Variants in DIAPH2 observed in about 807,000 individuals in gnomAD.
DIAPH2 encodes diaphanous related formin 2.
Under a neutral mutation model 92.7 loss-of-function variants are expected in DIAPH2, and 35 were observed. The ratio of observed to expected loss-of-function variants is 0.38; its 90% CI spans 0.29 to 0.50. The LOEUF is 0.50. DIAPH2 is among the 20% of genes least tolerant of loss of function. The pLI is 0.94. For synonymous variants in DIAPH2, 301 were observed against 280.4 expected (o/e 1.07, Z -0.73); for missense variants, 701 against 819.5 (o/e 0.86, Z 1.77).
At chrX:96,780,493 T>C (rs1056315535) in intron 4 of DIAPH2, among the ~76,000 whole-genome samples, 2 of 111,567 alleles carry the variant, frequency 1.8e-5, no homozygotes, top group African/African-American at 6.5e-5. Flanking sequence ...TTTTTATTTT[T>C]AATTTTGAGA....
chrX:97,315,605 A>G (rs1286854662), intron 23 of DIAPH2, among the ~76,000 whole-genome samples: 5 of 110,773 alleles, frequency 4.5e-5, no homozygotes, highest in Non-Finnish European at 9.4e-5. Flanking sequence ...CTGTGAAAAG[A>G]AAGTGTTCTT....
intron 25 of DIAPH2, among the ~76,000 whole-genome samples, chrX:97,389,671 C>A (rs1039562831): frequency 9.0e-6 from 1 of 110,854 alleles, no homozygotes; most frequent in Non-Finnish European, 1.9e-5. Context: ...TGTATGCCTG[C>A]TGCACAGTAA....
At chrX:97,138,589 C>T (rs1209510288) in intron 21 of DIAPH2, among the ~76,000 whole-genome samples, 3 of 111,782 alleles carry the variant, frequency 2.7e-5, no homozygotes, top group African/African-American at 9.7e-5. Context: ...TCAGTTAATA[C>T]AGTGACTCAC....
chrX:97,597,059 T>G (rs1457864403), intron 26 of DIAPH2, among the ~76,000 whole-genome samples: 1 of 112,372 alleles, frequency 8.9e-6, no homozygotes, highest in Admixed American at 9.4e-5. Context: ...ATGATATTTT[T>G]TTCATAAACG....
intron 21 of DIAPH2, among the ~76,000 whole-genome samples, chrX:97,120,614 GTTTTTTTTTTTTT>G (rs139009030): frequency 1.3e-5 from 1 of 75,849 alleles, no homozygotes; most frequent in Non-Finnish European, 2.5e-5. Flanking sequence ...TTTTTTGTGG[GTTTTTTTTTTTTT>G]TTTTTTTTTT....
chrX:97,025,245 G>C (rs1379220718), intron 17 of DIAPH2, among the ~76,000 whole-genome samples: 1 of 111,085 alleles, frequency 9.0e-6, no homozygotes, highest in Non-Finnish European at 1.9e-5. Flanking sequence ...AGCTACTCCT[G>C]AGGTTGAGAC....
intron 24 of DIAPH2, among the ~76,000 whole-genome samples, chrX:97,373,345 G>A (rs1444603951): frequency 2.7e-5 from 3 of 110,180 alleles, no homozygotes; most frequent in Non-Finnish European, 5.7e-5. Context: ...AGGGAACTAT[G>A]TGTAGAGACG....
chrX:96,815,559 A>C (rs770790835), intron 4 of DIAPH2, among the ~76,000 whole-genome samples: 1 of 112,352 alleles, frequency 8.9e-6, no homozygotes, highest in Non-Finnish European at 1.9e-5. Flanking sequence ...TCCCAATGAG[A>C]TGAACCAGGT....
chrX:97,099,589 A>G lies in DIAPH2; in HGVS notation c.2248-105A>G, dbSNP rs1430100042. ...TACTCTGGTACCATAACAGAACCAC[A>G]GTCAGAAATGTACTGTCCTAGTTAA... On this transcript the variant is annotated intron_variant, in intron 19 of 26. Coordinates refer to ENST00000324765, the MANE Select transcript of DIAPH2 (RefSeq NM_006729.5). 5 of 467,751 alleles carry G rather than the reference A, an allele frequency of 1.1e-5. No homozygotes were observed. In the East Asian group the frequency reaches 1.8e-4, roughly 17 times the overall value. 38.5% of individuals were successfully genotyped at this position (467,751 alleles called of 1,213,427 possible).
At chrX:97,024,539 G>A (rs902408174) in intron 17 of DIAPH2, among the ~76,000 whole-genome samples, 8 of 111,957 alleles carry the variant, frequency 7.1e-5, no homozygotes, top group African/African-American at 2.3e-4. Context: ...CCCAAAAGAA[G>A]GCTTGTCCTC....
intron 19 of DIAPH2, among the ~76,000 whole-genome samples, chrX:97,092,308 C>T (rs942594073): frequency 6.2e-5 from 7 of 112,793 alleles, no homozygotes; most frequent in Non-Finnish European, 1.3e-4. Context: ...CTCTGGGTAA[C>T]TAATCAGCTA....
At chrX:96,924,979 T>A (rs554133427) in intron 9 of DIAPH2, among the ~76,000 whole-genome samples, 11 of 111,285 alleles carry the variant, frequency 9.9e-5, no homozygotes, top group African/African-American at 2.6e-4. Flanking sequence ...TTCACCTATG[T>A]TTCATTTAAA....
chrX:97,071,333 A>G (rs1267599000), intron 17 of DIAPH2, among the ~76,000 whole-genome samples: 1 of 111,761 alleles, frequency 8.9e-6, no homozygotes, highest in Non-Finnish European at 1.9e-5. Context: ...TTTAAAACAT[A>G]TTTGGAAATA....
At chrX:97,368,124 C>G (rs1415616169) in intron 24 of DIAPH2, among the ~76,000 whole-genome samples, 1 of 112,426 alleles carries the variant, frequency 8.9e-6, no homozygotes, top group Middle Eastern at 4.6e-3. Flanking sequence ...CATAACTTGA[C>G]TTGATTCCAT....
chrX:97,600,455 C>T lies in DIAPH2; in HGVS notation c.*1138C>T, dbSNP rs2147891321. 1 of 110,862 alleles carries T rather than the reference C, an allele frequency of 9.0e-6. No individual in the cohort carries two copies. Among genetic ancestry groups the T allele is most frequent in the East Asian group, 2.8e-4 (1 of 3,600 alleles). 9.1% of individuals were successfully genotyped at this position (110,862 alleles called of 1,213,427 possible). A position where few individuals can be genotyped will look rare whatever the true frequency, so the allele number is the denominator to read the frequency against. ...GTGTATATATTTCTATCTCTTGCTA[C>T]AATAATTCCAACTAAGTGAACTTCT... On this transcript the variant is annotated 3_prime_UTR_variant, in exon 27 of 27. Transcript: ENST00000324765.
At chrX:97,132,120 A>C (rs1347135323) in intron 21 of DIAPH2, among the ~76,000 whole-genome samples, 2 of 112,163 alleles carry the variant, frequency 1.8e-5, no homozygotes, top group Non-Finnish European at 3.8e-5. Flanking sequence ...TTCAAGTTTC[A>C]GCTCTCCTTT....
chrX:96,836,711 ATATATATTTTTTTTTTT>A (rs1190993209), intron 4 of DIAPH2, among the ~76,000 whole-genome samples: 1 of 24,252 alleles, frequency 4.1e-5, no homozygotes, highest in African/African-American at 1.7e-4. Flanking sequence ...ATATATATAT[ATATATATTTTTTTTTTT>A]TTTTTTTTTT....
Position 97,359,444 on chromosome X carries a change from A to ATG in DIAPH2, c.3009+11177_3009+11178dup, listed in dbSNP as rs769269630. On this transcript the variant is annotated intron_variant, in intron 24 of 26. Coordinates refer to ENST00000324765, the MANE Select transcript of DIAPH2 (RefSeq NM_006729.5). ...TAAGTGTCCTATATATGTCCTATAT[A>ATG]TGTGTGTGTGTGTGCGTGTGTGTAT... Among the ~76,000 whole-genome samples, 12 of 108,208 alleles carry ATG rather than the reference A, an allele frequency of 1.1e-4. No individual in the cohort carries two copies. The South Asian group carries it at 1.6e-3, about 15-fold the overall frequency. The allele number at this position is 108,208 out of a possible 115,157, so 94.0% of individuals were successfully genotyped here.
rs2064209097 is a variant in DIAPH2, at chrX:96,753,968, A to G, written c.343-4186A>G. Among the ~76,000 whole-genome samples, 4 of 112,475 alleles carry G rather than the reference A, an allele frequency of 3.6e-5. No individual in the cohort carries two copies. The South Asian group carries it at 1.1e-3, about 31-fold the overall frequency. ...ACTTCTAAATCTACACCTCCTATGC[A>G]TGCATTTTATTGGTGGAGACTAAGC... is the stretch of plus-strand genomic sequence containing the variant. On this transcript the variant is annotated intron_variant, in intron 3 of 26. Coordinates refer to ENST00000324765, the MANE Select transcript of DIAPH2 (RefSeq NM_006729.5).
Sources: allele counts gnomAD v4.1 joint callset (sites outside exome capture counted in the v4.1 genomes callset), GRCh38; gene constraint gnomAD v4.1.1; transcripts MANE v1.5; gene names NCBI Gene and HGNC (gene_info 2026-07-23, HGNC 2026-07-21).